Variants in MMUT observed in about 807,000 individuals in gnomAD.
MMUT encodes the protein methylmalonyl-CoA mutase, mitochondrial.
MMUT carries 79 observed loss-of-function variants against 79.9 expected under a neutral mutation model. That is an observed-to-expected ratio of 0.99 (90% CI 0.82 to 1.19). MMUT has a LOEUF of 1.19. Ranked by LOEUF, MMUT falls within the 50% of genes most tolerant of loss-of-function variation. The pLI is 0.00. For missense variants in MMUT, 860 were observed against 917.2 expected (o/e 0.94, Z 0.81); for synonymous variants, 273 against 295.7 (o/e 0.92, Z 0.79).
chr6:49,457,727 CATGG>C lies in MMUT; in HGVS notation c.713_716del (p.Ser238Ter). On this transcript the variant is annotated frameshift_variant, in exon 3 of 13. Transcript: ENST00000274813. LOFTEE classifies it high-confidence loss of function. ...ATTCAAATATGTCAGCAATAATTTT[CATGG>C]ATGGTTCTGGAGGAAAAATGTATGT... The C allele has an allele frequency of 6.2e-7, 1 of 1,612,076 alleles. No individual in the cohort carries two copies. The highest frequency in any genetic ancestry group is 1.3e-5 in the African/African-American group (1 of 74,916).
Position 49,431,635 on chromosome 6 carries a change from G to A in MMUT, c.*93C>T. 1.5e-6 allele frequency: 2 copies of A among 1,314,670 alleles called. No individual in the cohort carries two copies. Among genetic ancestry groups the A allele is most frequent in the South Asian group, 1.2e-5 (1 of 81,088 alleles). The allele number at this position is 1,314,670 out of a possible 1,614,324, so 81.4% of individuals were successfully genotyped here. A position where few individuals can be genotyped will look rare whatever the true frequency, so the allele number is the denominator to read the frequency against. The stretch of plus-strand genomic sequence containing the variant: ...AGCTTTCAAGGAAAGTACAAATCAG[G>A]TATTGAAATTAAATTGAAGACATAG... On this transcript the variant is annotated 3_prime_UTR_variant, in exon 13 of 13. Transcript: ENST00000274813.
chr6:49,456,690 A>G (rs1767699481), intron 3 of MMUT, among the ~76,000 whole-genome samples: 1 of 152,204 alleles, frequency 6.6e-6, no homozygotes, highest in Admixed American at 6.5e-5. Context: ...TCTAGTTTGA[A>G]TGAAGGCATC....
chr6:49,450,968 G>A (rs1399617242), intron 6 of MMUT, among the ~76,000 whole-genome samples: 1 of 152,102 alleles, frequency 6.6e-6, no homozygotes, highest in Non-Finnish European at 1.5e-5. Context: ...TGGTAGTAAG[G>A]GAGGAGGAAA....
chr6:49,450,444 T>C (rs1201593549), intron 6 of MMUT, among the ~76,000 whole-genome samples: 2 of 151,922 alleles, frequency 1.3e-5, no homozygotes, highest in Non-Finnish European at 2.9e-5. Context: ...TTCAGTACCA[T>C]GTAGGAAAAA....
Position 49,453,688 on chromosome 6 carries a change from C to T in MMUT, c.980G>A (p.Arg327Lys), listed in dbSNP as rs1767615621. ...MEIAKMRAGR[R>K]LWAHLIEKMF... is the part of the protein sequence containing the mutation. ...TTTCTCTATTAAGTGAGCCCAGAGT[C>T]TTCTACCAGCTCTCATCTTTGCTAT... Residue 327 changes from arginine (R) to lysine (K), a missense_variant, in exon 5 of 13, where the codon AGA (arginine) becomes AAA (lysine). Physicochemically the swap from Arg to Lys is conservative, Grantham distance 26. Coordinates refer to ENST00000274813, the MANE Select transcript of MMUT (RefSeq NM_000255.4). 1 of 1,613,182 alleles carries T rather than the reference C, an allele frequency of 6.2e-7. No individual in the cohort carries two copies. The highest frequency in any genetic ancestry group is 8.5e-7 in the Non-Finnish European group (1 of 1,179,498).
At chr6:49,452,413 A>G (rs1286005072) in intron 5 of MMUT, among the ~76,000 whole-genome samples, 2 of 152,020 alleles carry the variant, frequency 1.3e-5, no homozygotes, top group Non-Finnish European at 2.9e-5. Context: ...GCTCACTGTA[A>G]GCTCTGCCTC....
Position 49,431,803 on chromosome 6 carries a change from A to G in MMUT, c.2178T>C (p.Thr726=). 2 of 1,614,004 alleles carry G rather than the reference A, an allele frequency of 1.2e-6. No individual in the cohort carries two copies. Among genetic ancestry groups the G allele is most frequent in the Non-Finnish European group, 1.7e-6 (2 of 1,179,894 alleles). Residue 726 remains threonine, a synonymous_variant, in exon 13 of 13, where the codon ACT becomes ACC. Coordinates refer to ENST00000274813, the MANE Select transcript of MMUT (RefSeq NM_000255.4). ...CCTGAACGGCAGCCTTTGGAATTCG[A>G]GTCCCAGGACCAAATACATTGGAAA... The part of the protein sequence containing the change: ...VGVSNVFGPG[T]RIPKAAVQVL...
At chr6:49,439,586 G>A (rs565785790) in intron 11 of MMUT, among the ~76,000 whole-genome samples, 6 of 152,262 alleles carry the variant, frequency 3.9e-5, no homozygotes, top group East Asian at 1.9e-4. Context: ...GAGTAACACA[G>A]AGTAACACAT....
Position 49,431,483 on chromosome 6 carries a change from C to A in MMUT, c.*245G>T. On this transcript the variant is annotated 3_prime_UTR_variant, in exon 13 of 13. Transcript: ENST00000274813. ...AAAAATAATACCATTGTCCAGAGTTCTTGATAAAGTATTGTTATAGAGAGT... is the reference window on the plus strand; with the variant it reads ...AAAAATAATACCATTGTCCAGAGTTATTGATAAAGTATTGTTATAGAGAGT... 1 of 283,660 alleles carries A rather than the reference C, an allele frequency of 3.5e-6. No homozygotes were observed. The highest frequency in any genetic ancestry group is 6.7e-6 in the Non-Finnish European group (1 of 148,532). The allele number at this position is 283,660 out of a possible 1,614,324, so 17.6% of individuals were successfully genotyped here.
In MMUT at chr6:49,444,675, T is replaced by A; in HGVS notation, c.1640A>T (p.Asn547Ile). 6.2e-7 allele frequency: 1 copy of A among 1,613,442 alleles called. No individual in the cohort carries two copies. The change falls in exon 9 of 13, where the codon AAT becomes ATT. Residue 547 changes from asparagine (N) to isoleucine (I), a missense_variant. Transcript: ENST00000274813. ...TGCATCCACTGCAAGAGCCAGGATA[T>A]TTCCATCTCCGCTAGCAGCACATTC... Reference protein sequence around the residue: ...LTECAASGDGNILALAVDASR... With the variant: ...LTECAASGDGIILALAVDASR...
chr6:49,453,128 G>A (rs777488560), intron 5 of MMUT, among the ~76,000 whole-genome samples: 11 of 144,976 alleles, frequency 7.6e-5, no homozygotes, highest in African/African-American at 1.0e-4. Context: ...TGCAACCTCC[G>A]ATTCCCAGGT....
intron 6 of MMUT, among the ~76,000 whole-genome samples, chr6:49,450,108 G>A (rs1767511852): frequency 1.3e-5 from 2 of 151,766 alleles, no homozygotes. Context: ...GTGTGTGCCT[G>A]TAATCCCAGC....
intron 1 of MMUT, among the ~76,000 whole-genome samples, chr6:49,459,754 C>T (rs35550949): frequency 6.6e-6 from 1 of 152,132 alleles, no homozygotes; most frequent in Non-Finnish European, 1.5e-5. Context: ...TACTCCTTTT[C>T]TACTCCATTC....
chr6:49,435,442 G>A lies in MMUT; in HGVS notation c.2124+14C>T. The A allele has an allele frequency of 6.2e-7, 1 of 1,607,634 alleles. No individual in the cohort carries two copies. Among genetic ancestry groups the A allele is most frequent in the Non-Finnish European group, 8.5e-7 (1 of 1,174,180 alleles). ...TTCCCATCACAGTACTAGAAAAATAGAGATAAAAAATACCTGAGGTGGTAT... is the reference window on the plus strand; with the variant it reads ...TTCCCATCACAGTACTAGAAAAATAAAGATAAAAAATACCTGAGGTGGTAT... On this transcript the variant is annotated intron_variant, in intron 12 of 12. Transcript: ENST00000274813.
At chr6:49,453,059 T>TTTTTTTTTTTTTTTG (rs398048522) in intron 5 of MMUT, among the ~76,000 whole-genome samples, 1 of 138,984 alleles carries the variant, frequency 7.2e-6, no homozygotes, top group African/African-American at 2.6e-5. Flanking sequence ...TTTTTTTTTT[T>TTTTTTTTTTTTTTTG]AGACGTAGTT....
chr6:49,440,489 T>C, intron 10 of MMUT, 136 bp from the exon 11 acceptor site: 1 of 909,300 alleles, frequency 1.1e-6, no homozygotes, highest in Non-Finnish European at 1.6e-6. Flanking sequence ...TTTTGGGTTG[T>C]TTTTTTTTTC....
At chr6:49,431,890 A>G (rs139265503) in intron 12 of MMUT, 34 bp from the exon 13 acceptor site, 9 of 1,604,758 alleles carry the variant, frequency 5.6e-6, no homozygotes, top group Non-Finnish European at 7.7e-6. Context: ...AATAAGAGCC[A>G]CTATTTCCAT....
chr6:49,435,412 C>A, intron 12 of MMUT, 44 bp downstream of exon 12: 2 of 1,548,022 alleles, frequency 1.3e-6, no homozygotes, highest in Non-Finnish European at 1.8e-6. Context: ...TATCATTACT[C>A]AAGATTCCCA....
intron 12 of MMUT, among the ~76,000 whole-genome samples, chr6:49,432,482 G>T (rs1028074349): frequency 2.0e-5 from 3 of 151,990 alleles, no homozygotes; most frequent in Admixed American, 6.6e-5. Context: ...CCGCCTCCCG[G>T]GTTCACGCCA....
Sources: allele counts gnomAD v4.1 joint callset (sites outside exome capture counted in the v4.1 genomes callset), GRCh38; gene constraint gnomAD v4.1.1; transcripts MANE v1.5; gene names NCBI Gene and HGNC (gene_info 2026-07-23, HGNC 2026-07-21).